Variants in C12orf50 observed in about 807,000 individuals in gnomAD.
C12orf50 encodes uncharacterized protein C12orf50.
Under a neutral mutation model 61.6 loss-of-function variants are expected in C12orf50, and 35 were observed. That is an observed-to-expected ratio of 0.57 (90% CI 0.43 to 0.75). The LOEUF (loss-of-function observed/expected upper bound fraction) is 0.75, where lower values mean the gene tolerates loss of function less well. C12orf50 is among the 30% of genes least tolerant of loss of function. The pLI, the probability that C12orf50 is intolerant of heterozygous loss-of-function variation, is 0.00. For missense variants in C12orf50, 475 were observed against 488.5 expected, an observed-to-expected ratio of 0.97 and a Z score of 0.26; for synonymous variants, 178 against 161.5, an observed-to-expected ratio of 1.10 and a Z score of -0.77.
At chr12:88,012,361 A>G (rs2032143624) in intron 3 of C12orf50, among the ~76,000 whole-genome samples, 1 of 152,232 alleles carries the variant, frequency 6.6e-6, no homozygotes, top group Non-Finnish European at 1.5e-5. Context: ...ACACACATGC[A>G]GTACAAAACA....
chr12:88,011,333 C>G (rs2032102137), intron 3 of C12orf50, among the ~76,000 whole-genome samples: 1 of 152,084 alleles, frequency 6.6e-6, no homozygotes, highest in African/African-American at 2.4e-5. Context: ...AGCACATTTT[C>G]TACACCATTA....
chr12:88,029,161 T>G, intron 1 of C12orf50, 179 bp downstream of exon 1: 2 of 1,172,444 alleles, frequency 1.7e-6, no homozygotes, highest in Non-Finnish European at 2.2e-6. Flanking sequence ...TTTTTTTTTT[T>G]GAAAAATATA....
intron 3 of C12orf50, among the ~76,000 whole-genome samples, chr12:87,998,970 T>C (rs1250482623): frequency 6.6e-6 from 1 of 152,194 alleles, no homozygotes; most frequent in Admixed American, 6.5e-5. Context: ...GCAAAGTGGA[T>C]GTAAGAACAA....
rs2031400398 is a variant in C12orf50 at position 87,996,496 on chromosome 12, C to A, written c.368-9G>T. 6.2e-7 allele frequency: 1 copy of A among 1,603,626 alleles called. No homozygotes were observed. Among genetic ancestry groups the A allele is most frequent in the Non-Finnish European group, 8.5e-7 (1 of 1,171,040 alleles). On this transcript the variant is annotated splice_polypyrimidine_tract_variant and intron_variant, in intron 5 of 12. Transcript: ENST00000298699. ...AAATCTGTAGTATTCCCCTAATCAA[C>A]CATAAGAAAAGTAATGGTTAGTATA...
chr12:88,019,463 C>A (rs560626751), intron 3 of C12orf50, among the ~76,000 whole-genome samples: 1 of 152,176 alleles, frequency 6.6e-6, no homozygotes, highest in African/African-American at 2.4e-5. Flanking sequence ...TCTTTATCAG[C>A]AGTGCAAAAG....
chr12:88,026,266 T>G (rs1036936613), intron 3 of C12orf50, among the ~76,000 whole-genome samples: 1 of 152,212 alleles, frequency 6.6e-6, no homozygotes, highest in Non-Finnish European at 1.5e-5. Context: ...TAGATACACA[T>G]AGAGAAAGTT....
intron 11 of C12orf50, chr12:87,985,054 A>C (rs1354901099): frequency 6.6e-6 from 1 of 151,958 alleles, no homozygotes; most frequent in Non-Finnish European, 1.5e-5. Flanking sequence ...ATATATACCT[A>C]CTGTGTACTC....
chr12:87,992,415 C>T (rs2031167980), intron 7 of C12orf50, among the ~76,000 whole-genome samples: 1 of 151,718 alleles, frequency 6.6e-6, no homozygotes, highest in Non-Finnish European at 1.5e-5. Context: ...TATATATATA[C>T]TATATACATA....
At position 87,996,432 on chromosome 12, in the gene C12orf50, T is replaced by C. The variant is rs759489642; in HGVS notation, c.423A>G (p.Thr141=). Residue 141 remains threonine, a synonymous_variant, in exon 6 of 13, where the codon ACA becomes ACG. Coordinates refer to ENST00000298699, the MANE Select transcript of C12orf50 (RefSeq NM_152589.3). ...PPDILSSKSM[T]PTAEKQLEKP... Reference sequence around the variant, plus strand: ...TTTCTAACTGTTTTTCTGCTGTAGGTGTCATGCTTTTTGATGACAAAATAT... The same window carrying C: ...TTTCTAACTGTTTTTCTGCTGTAGGCGTCATGCTTTTTGATGACAAAATAT... 5.6e-6 allele frequency: 9 copies of C among 1,613,542 alleles called. No homozygotes were observed. Among genetic ancestry groups the C allele is most frequent in the Non-Finnish European group, 7.6e-6 (9 of 1,179,656 alleles).
At chr12:88,018,861 G>GCTGTACCTACCCAATGC (rs1346853249) in intron 3 of C12orf50, among the ~76,000 whole-genome samples, 2 of 152,142 alleles carry the variant, frequency 1.3e-5, no homozygotes, top group African/African-American at 4.8e-5. Context: ...ATTTCGAATG[G>GCTGTACCTACCCAATGC]CTGTACCTAC....
chr12:87,997,757 C>T (rs2031474389), intron 4 of C12orf50, among the ~76,000 whole-genome samples: 1 of 152,144 alleles, frequency 6.6e-6, no homozygotes, highest in South Asian at 2.1e-4. Flanking sequence ...CTTTTTATGA[C>T]TGCATAGTAT....
rs1456588400 is a variant in C12orf50, at chr12:88,026,980, G to A, written c.-18C>T. 1.2e-6 allele frequency: 2 copies of A among 1,613,882 alleles called. No homozygotes were observed. Among genetic ancestry groups the A allele is most frequent in the Non-Finnish European group, 1.7e-6 (2 of 1,179,956 alleles). On this transcript the variant is annotated 5_prime_UTR_variant, in exon 2 of 13. Transcript: ENST00000298699. Reference sequence around the variant, plus strand: ...ATTTCCATGTGTCTAAATCTGCAAAGTGGATCTAAACATTTCCTCTCTCTC... The same window carrying A: ...ATTTCCATGTGTCTAAATCTGCAAAATGGATCTAAACATTTCCTCTCTCTC...
chr12:87,993,149 A>AT (rs1212933550), intron 7 of C12orf50, among the ~76,000 whole-genome samples: 4 of 152,220 alleles, frequency 2.6e-5, no homozygotes, highest in Non-Finnish European at 5.9e-5. Context: ...AATATTATTA[A>AT]TATTAGGCTA....
chr12:88,029,645 ATAAG>A (rs2032827640), upstream of C12orf50, among the ~76,000 whole-genome samples: 1 of 152,214 alleles, frequency 6.6e-6, no homozygotes, highest in African/African-American at 2.4e-5. Context: ...ATAGAAAGTG[ATAAG>A]TATTTCACAA....
Position 87,998,093 on chromosome 12 carries a change from G to C in C12orf50, c.231C>G (p.His77Gln). 1 of 1,612,908 alleles carries C rather than the reference G, an allele frequency of 6.2e-7. No individual in the cohort carries two copies. Among genetic ancestry groups the C allele is most frequent in the Non-Finnish European group, 8.5e-7 (1 of 1,179,376 alleles). The change falls in exon 4 of 13, where the codon CAC becomes CAG. Residue 77 changes from histidine (H) to glutamine (Q), a missense_variant. By Grantham distance (24) the His-to-Gln change is conservative. Coordinates refer to ENST00000298699, the MANE Select transcript of C12orf50 (RefSeq NM_152589.3). ...AATTAGTTTTTAAAACTAAAGGATG[G>C]TGGATGGGTCGTGATATATTTTCCT... is the stretch of plus-strand genomic sequence containing the variant. The part of the protein sequence containing the change: ...KPQENISRPI[H>Q]HPLVLKTNFE...
intron 7 of C12orf50, among the ~76,000 whole-genome samples, chr12:87,990,470 A>G (rs566527309): frequency 1.1e-3 from 168 of 152,288 alleles, no homozygotes; most frequent in Non-Finnish European, 1.9e-3. Flanking sequence ...GGTTTCTACC[A>G]TGACCAAAAT....
In C12orf50 at chr12:88,021,374, C is replaced by T. The variant is rs576168519; in HGVS notation, c.133+5114G>A. On this transcript the variant is annotated intron_variant, in intron 3 of 12. Coordinates refer to ENST00000298699, the MANE Select transcript of C12orf50 (RefSeq NM_152589.3). ...AAGGGAGGCCAGCTTCAGTGGCTCACGCCTATAATCCCAGCACTTTGGGAG... is the reference window on the plus strand; with the variant it reads ...AAGGGAGGCCAGCTTCAGTGGCTCATGCCTATAATCCCAGCACTTTGGGAG... Among the ~76,000 whole-genome samples, 9 of 152,060 alleles carry T rather than the reference C, an allele frequency of 5.9e-5. No homozygotes were observed. The East Asian group carries it at 1.5e-3, about 26-fold the overall frequency.
chr12:87,984,799 C>G (rs1044818261), intron 11 of C12orf50: 4 of 152,266 alleles, frequency 2.6e-5, no homozygotes, highest in African/African-American at 7.2e-5. Flanking sequence ...GGCACCTTCA[C>G]ACAAACCTAG....
At chr12:88,012,027 A>G (rs1346066614) in intron 3 of C12orf50, among the ~76,000 whole-genome samples, 1 of 152,206 alleles carries the variant, frequency 6.6e-6, no homozygotes, top group African/African-American at 2.4e-5. Flanking sequence ...CTTCACAGCA[A>G]ATGACAAATG....
Sources: gnomAD v4.1 joint callset for allele counts (sites outside exome capture counted in the v4.1 genomes callset) on GRCh38, gnomAD v4.1.1 for gene constraint, MANE v1.5 for transcripts, NCBI Gene and HGNC (gene_info 2026-07-23, HGNC 2026-07-21) for gene names.